Variants in CADM2 observed in about 807,000 individuals in gnomAD.
CADM2 encodes cell adhesion molecule 2, also known as immunoglobulin superfamily member 4D.
CADM2 carries 12 observed loss-of-function variants against 49.8 expected under a neutral mutation model. The ratio of observed to expected loss-of-function variants is 0.24; its 90% CI spans 0.15 to 0.39. The LOEUF (loss-of-function observed/expected upper bound fraction) is 0.39. Among genes scored for constraint, CADM2 ranks in the 10% least tolerant of loss-of-function variants. CADM2 has a pLI of 1.00. For missense variants in CADM2, 378 were observed against 492.3 expected (o/e 0.77, Z 2.20); for synonymous variants, 214 against 175.4 (o/e 1.22, Z -1.74).
At chr3:85,651,984 C>CTT (rs75263402) in intron 1 of CADM2, among the ~76,000 whole-genome samples, 4 of 105,492 alleles carry the variant, frequency 3.8e-5, no homozygotes, top group African/African-American at 1.1e-4. Context: ...CGCCCGGCTA[C>CTT]TTTTTTTTTT....
At chr3:85,605,642 G>A (rs1228753859) in intron 1 of CADM2, among the ~76,000 whole-genome samples, 1 of 151,958 alleles carries the variant, frequency 6.6e-6, no homozygotes, top group Admixed American at 6.6e-5. Context: ...GCTTGTATCC[G>A]CCTCATGAGG....
chr3:85,366,324 C>A (rs1017664885), intron 1 of CADM2, among the ~76,000 whole-genome samples: 10 of 152,130 alleles, frequency 6.6e-5, no homozygotes, highest in African/African-American at 2.4e-4. Context: ...AAATCTCTGG[C>A]CCATTACACA....
intron 1 of CADM2, among the ~76,000 whole-genome samples, chr3:85,686,649 G>A (rs2107670369): frequency 6.6e-6 from 1 of 152,224 alleles, no homozygotes; most frequent in Non-Finnish European, 1.5e-5. Context: ...GAGTGTGAAA[G>A]GAAAATATCT....
chr3:85,329,591 A>C (rs964543617), intron 1 of CADM2, among the ~76,000 whole-genome samples: 1 of 152,300 alleles, frequency 6.6e-6, no homozygotes, highest in African/African-American at 2.4e-5. Context: ...GTCTCAGAAA[A>C]CAAAACCAAA....
chr3:85,479,206 G>A lies in CADM2; in HGVS notation c.62-247316G>A, dbSNP rs555220198. On this transcript the variant is annotated intron_variant, in intron 1 of 9. Transcript: ENST00000383699. Reference sequence around the variant, plus strand: ...TGTAATCCTCCTGCTTCAACCTCCCGAGTACCAGGGTACAATACAATAGGT... The same window carrying A: ...TGTAATCCTCCTGCTTCAACCTCCCAAGTACCAGGGTACAATACAATAGGT... Among the ~76,000 whole-genome samples the A allele has an allele frequency of 7.9e-5, 12 of 151,834 alleles. No homozygotes were observed. The South Asian group carries it at 1.9e-3, about 24-fold the overall frequency.
At chr3:84,968,347 A>G (rs192737879) in intron 1 of CADM2, among the ~76,000 whole-genome samples, 25 of 152,100 alleles carry the variant, frequency 1.6e-4, no homozygotes, top group Non-Finnish European at 4.4e-5. Flanking sequence ...ATAATACTCT[A>G]GTTTGTTACA....
chr3:85,127,946 T>G (rs990624878), intron 1 of CADM2, among the ~76,000 whole-genome samples: 10 of 152,298 alleles, frequency 6.6e-5, no homozygotes, highest in African/African-American at 2.4e-4. Context: ...TAAATTTAAA[T>G]TTAATTAAAT....
intron 1 of CADM2, among the ~76,000 whole-genome samples, chr3:85,466,753 A>T (rs1409988876): frequency 6.6e-6 from 1 of 152,190 alleles, no homozygotes; most frequent in Non-Finnish European, 1.5e-5. Context: ...ACAAAAAAAA[A>T]TTATTACCTT....
At chr3:85,769,630 T>C (rs1056421037) in intron 2 of CADM2, among the ~76,000 whole-genome samples, 11 of 141,774 alleles carry the variant, frequency 7.8e-5, no homozygotes, top group Non-Finnish European at 1.1e-4. Context: ...ATAGTATATA[T>C]ATACACATAT....
intron 1 of CADM2, among the ~76,000 whole-genome samples, chr3:85,201,747 G>A (rs976473325): frequency 6.6e-6 from 1 of 152,064 alleles, no homozygotes; most frequent in African/African-American, 2.4e-5. Flanking sequence ...ATCTGGAAAA[G>A]TTTCCATCTC....
At chr3:85,769,373 C>A (rs1440249425) in intron 2 of CADM2, among the ~76,000 whole-genome samples, 1 of 103,940 alleles carries the variant, frequency 9.6e-6, no homozygotes, top group Non-Finnish European at 1.7e-5. Flanking sequence ...TATATATACA[C>A]GTATATACAT....
intron 1 of CADM2, among the ~76,000 whole-genome samples, chr3:85,101,748 T>C (rs1178367603): frequency 6.6e-6 from 1 of 152,236 alleles, no homozygotes; most frequent in African/African-American, 2.4e-5. Context: ...TTACTGAGTT[T>C]TCATATTTAA....
chr3:85,640,383 A>T (rs187670730), intron 1 of CADM2, among the ~76,000 whole-genome samples: 179 of 149,016 alleles, frequency 1.2e-3, no homozygotes, highest in African/African-American at 4.1e-3. Flanking sequence ...CTCAAAATTT[A>T]AAAAAATGTG....
intron 1 of CADM2, among the ~76,000 whole-genome samples, chr3:85,157,638 T>C (rs1271517304): frequency 1.3e-5 from 2 of 152,092 alleles, no homozygotes; most frequent in Non-Finnish European, 2.9e-5. Context: ...GCTAGCCATA[T>C]GTAGAAAGCT....
At chr3:85,914,686 C>A (rs1718049102) in intron 6 of CADM2, among the ~76,000 whole-genome samples, 1 of 152,102 alleles carries the variant, frequency 6.6e-6, no homozygotes, top group African/African-American at 2.4e-5. Flanking sequence ...AATAGTCAAG[C>A]AAAACCACAT....
At chr3:85,351,190 G>A (rs11918831) in intron 1 of CADM2, among the ~76,000 whole-genome samples, 5,881 of 151,966 alleles carry the variant, frequency 0.039, 392 homozygotes, top group African/African-American at 0.13. Flanking sequence ...TCTAAATTTG[G>A]CATGATTGAA....
chr3:85,964,148 T>A lies in CADM2; in HGVS notation c.970+2501T>A, dbSNP rs1185934312. Among the ~76,000 whole-genome samples, 5 of 152,058 alleles carry A rather than the reference T, an allele frequency of 3.3e-5. No homozygotes were observed. In the East Asian group the frequency reaches 9.8e-4, roughly 30 times the overall value. ...TTGGCTGTTTCAAAACCTTACTAAA[T>A]GATGAAATTTGAGTGGCATTTCGAT... is the stretch of plus-strand genomic sequence containing the variant. On this transcript the variant is annotated intron_variant, in intron 8 of 9. Coordinates refer to ENST00000383699, the MANE Select transcript of CADM2 (RefSeq NM_001167675.2).
chr3:85,164,170 T>C (rs1173659014), intron 1 of CADM2, among the ~76,000 whole-genome samples: 1 of 152,112 alleles, frequency 6.6e-6, no homozygotes, highest in Non-Finnish European at 1.5e-5. Context: ...ATCTTTCTTA[T>C]TTTTATATAC....
chr3:86,038,800 A>G (rs991800924), intron 8 of CADM2, among the ~76,000 whole-genome samples: 2 of 152,190 alleles, frequency 1.3e-5, no homozygotes, highest in Non-Finnish European at 2.9e-5. Flanking sequence ...TTTACATGTA[A>G]GGGAACATAA....
Sources: allele counts gnomAD v4.1 joint callset (sites outside exome capture counted in the v4.1 genomes callset), GRCh38; gene constraint gnomAD v4.1.1; transcripts MANE v1.5; gene names NCBI Gene and HGNC (gene_info 2026-07-23, HGNC 2026-07-21).